ZNF469: variants seen among roughly 807,000 people sequenced by gnomAD.
ZNF469 encodes the protein zinc finger protein 469.
Under a neutral mutation model 1.0 loss-of-function variants are expected in ZNF469, and 1 was observed. The observed-to-expected ratio is 1.00, with a 90% CI of 0.35 to 4.73. The LOEUF (loss-of-function observed/expected upper bound fraction) is 4.73, where lower values mean the gene tolerates loss of function less well. ZNF469 is among the 30% of genes most tolerant of loss of function. The probability of loss-of-function intolerance (pLI) is 0.16; values close to 1 mark genes in which losing one functional copy is unlikely to be tolerated. For synonymous variants in ZNF469, 2,703 were observed against 2,363.4 expected (o/e 1.14, Z -4.17); for missense variants, 6,100 against 5,356.3 (o/e 1.14, Z -4.33).
At chr16:88,425,009 G>A (rs1420292845) in intron 2 of ZNF469, among the ~76,000 whole-genome samples, 138 bp downstream of exon 2, 2 of 151,042 alleles carry the variant, frequency 1.3e-5, no homozygotes, top group African/African-American at 4.9e-5. Context: ...ACTGCCTCCC[G>A]AGAGCCGACT....
the ZNF469 span, among the ~76,000 whole-genome samples, chr16:88,239,570 C>A: frequency 6.8e-6 from 1 of 147,886 alleles, no homozygotes; most frequent in Non-Finnish European, 1.5e-5. Context: ...TCACTGCAAG[C>A]TCCGCCTCCC....
the ZNF469 span, among the ~76,000 whole-genome samples, chr16:88,184,490 G>C: frequency 6.6e-4 from 101 of 151,914 alleles, no homozygotes; most frequent in Non-Finnish European, 1.3e-3. Flanking sequence ...TGCTCCTGGC[G>C]TTCGGTTTGT....
chr16:88,412,794 G>A (rs961183890), intron 1 of ZNF469, among the ~76,000 whole-genome samples: 2 of 152,180 alleles, frequency 1.3e-5, no homozygotes, highest in African/African-American at 2.4e-5. Context: ...CGACGGCTTC[G>A]GCCCACATAG....
chr16:88,359,027 C>G, the ZNF469 span, among the ~76,000 whole-genome samples: 8 of 152,190 alleles, frequency 5.3e-5, no homozygotes, highest in Non-Finnish European at 1.0e-4. Context: ...GGGACTCCCC[C>G]TAGAAGTAGA....
chr16:88,243,949 T>TATATATAA, the ZNF469 span, among the ~76,000 whole-genome samples: 4,050 of 93,856 alleles, frequency 0.043, 593 homozygotes, highest in Non-Finnish European at 0.071. Flanking sequence ...TATATATATA[T>TATATATAA]ATAAATGTAT....
the ZNF469 span, among the ~76,000 whole-genome samples, chr16:88,287,417 G>A: frequency 1.1e-4 from 17 of 152,180 alleles, no homozygotes; most frequent in Non-Finnish European, 1.6e-4. Flanking sequence ...CCGCACCAGC[G>A]GAGCCCAGCC....
At chr16:88,281,782 G>A in the ZNF469 span, among the ~76,000 whole-genome samples, 2 of 150,792 alleles carry the variant, frequency 1.3e-5, no homozygotes, top group East Asian at 1.9e-4. Context: ...GTGCCACACC[G>A]ATGCTTGGTC....
chr16:88,143,895 A>G, the ZNF469 span, among the ~76,000 whole-genome samples: 1 of 151,936 alleles, frequency 6.6e-6, no homozygotes, highest in Non-Finnish European at 1.5e-5. Flanking sequence ...ACCCGCCGCT[A>G]TTTCCCTGTG....
chr16:88,138,018 G>A, the ZNF469 span, among the ~76,000 whole-genome samples: 13 of 152,132 alleles, frequency 8.5e-5, no homozygotes, highest in Admixed American at 2.0e-4. Context: ...ACCCCATCAC[G>A]GAGCATTCCA....
the ZNF469 span, among the ~76,000 whole-genome samples, chr16:88,311,567 T>C: frequency 6.6e-6 from 1 of 152,152 alleles, no homozygotes; most frequent in Admixed American, 6.6e-5. Flanking sequence ...GAACAGCTAG[T>C]AAGGGATGGT....
At chr16:88,246,585 C>T in the ZNF469 span, among the ~76,000 whole-genome samples, 1 of 152,232 alleles carries the variant, frequency 6.6e-6, no homozygotes, top group Non-Finnish European at 1.5e-5. Flanking sequence ...TCACTGGCAC[C>T]AACCCAGAAT....
the ZNF469 span, among the ~76,000 whole-genome samples, chr16:88,291,235 C>T: frequency 2.0e-5 from 3 of 152,332 alleles, no homozygotes; most frequent in Middle Eastern, 3.4e-3. Flanking sequence ...CCATGAGCTT[C>T]CTGTTCAGAC....
the ZNF469 span, among the ~76,000 whole-genome samples, chr16:88,359,201 G>C: frequency 1.3e-5 from 2 of 151,636 alleles, no homozygotes; most frequent in Non-Finnish European, 2.9e-5. Context: ...GAGTCCCGGG[G>C]GCTCGGTACC....
the ZNF469 span, among the ~76,000 whole-genome samples, chr16:88,299,309 G>T: frequency 6.6e-6 from 1 of 151,840 alleles, no homozygotes; most frequent in South Asian, 2.1e-4. Context: ...GAGGCAGCTT[G>T]CAGCAGGAGA....
chr16:88,365,151 A>G, the ZNF469 span, among the ~76,000 whole-genome samples: 3 of 152,254 alleles, frequency 2.0e-5, no homozygotes, highest in Non-Finnish European at 2.9e-5. Context: ...CAGCCCAGCT[A>G]ATCATTAGCT....
chr16:88,402,619 C>T (rs1028597475), intron 1 of ZNF469, among the ~76,000 whole-genome samples: 2 of 152,156 alleles, frequency 1.3e-5, no homozygotes, highest in Non-Finnish European at 2.9e-5. Flanking sequence ...TTGCAGTTGA[C>T]CTGGGTCTGC....
the ZNF469 span, among the ~76,000 whole-genome samples, chr16:88,314,680 C>A: frequency 6.9e-3 from 752 of 108,768 alleles, no homozygotes; most frequent in Middle Eastern, 0.048. Flanking sequence ...TCTGTAATTA[C>A]GATGATGCTG....
At chr16:88,110,608 G>A in the ZNF469 span, among the ~76,000 whole-genome samples, 1 of 152,220 alleles carries the variant, frequency 6.6e-6, no homozygotes, top group African/African-American at 2.4e-5. Context: ...GAACTGTATC[G>A]GAGAGATGTC....
rs1905784457 is a variant in ZNF469, at chr16:88,427,727, C to A, written c.257C>A (p.Thr86Asn). 6.5e-7 allele frequency: 1 copy of A among 1,538,370 alleles called. No homozygotes were observed. The highest frequency in any genetic ancestry group is 8.7e-7 in the Non-Finnish European group (1 of 1,144,148). Residue 86 changes from threonine (T) to asparagine (N), a missense_variant, in exon 3 of 3, where the codon ACC becomes AAC. Thr to Asn is a moderately conservative substitution (Grantham distance 65, BLOSUM62 0). Transcript: ENST00000565624. ...PSLRGQAPSSTPGKRGSPQTP... is the reference protein window; with the variant it reads ...PSLRGQAPSSNPGKRGSPQTP... The stretch of plus-strand genomic sequence containing the variant: ...CTGAGAGGCCAGGCCCCGAGCAGCA[C>A]CCCTGGGAAGAGGGGCAGCCCCCAG...
Sources: gnomAD v4.1 joint callset for allele counts (sites outside exome capture counted in the v4.1 genomes callset) on GRCh38, gnomAD v4.1.1 for gene constraint, MANE v1.5 for transcripts, NCBI Gene and HGNC (gene_info 2026-07-23, HGNC 2026-07-21) for gene names.